The following ARFGEF3 variants were observed in gnomAD, a reference collection of about 807,000 sequenced individuals.
The protein encoded by ARFGEF3 is ARFGEF family member 3.
Under a neutral mutation model 221.7 loss-of-function variants are expected in ARFGEF3, and 96 were observed. The observed-to-expected ratio is 0.43, with a 90% confidence interval of 0.37 to 0.51. The LOEUF (loss-of-function observed/expected upper bound fraction) is 0.51, where lower values mean the gene tolerates loss of function less well. ARFGEF3 is among the 20% of genes least tolerant of loss of function. ARFGEF3 has a pLI of 0.00. For synonymous variants in ARFGEF3, 1,145 were observed against 1,126.8 expected, an observed-to-expected ratio of 1.02 and a Z score of -0.32; for missense variants, 2,410 against 2,789.9, an observed-to-expected ratio of 0.86 and a Z score of 3.07.
chr6:138,336,077 G>C (rs1252831642), intron 33 of ARFGEF3, among the ~76,000 whole-genome samples: 2 of 152,136 alleles, frequency 1.3e-5, no homozygotes, highest in Non-Finnish European at 2.9e-5. Context: ...CTGAAAATAA[G>C]GCGAGTCTCT....
intron 14 of ARFGEF3, among the ~76,000 whole-genome samples, chr6:138,283,404 C>G (rs544343840): frequency 5.3e-5 from 8 of 152,330 alleles, no homozygotes; most frequent in African/African-American, 1.9e-4. Context: ...ATTAATGGAA[C>G]AGTAAGCTCA....
chr6:138,230,892 C>G (rs1778179629), intron 5 of ARFGEF3, among the ~76,000 whole-genome samples: 1 of 152,160 alleles, frequency 6.6e-6, no homozygotes, highest in African/African-American at 2.4e-5. Flanking sequence ...CCTGTGAGCT[C>G]TTTCATTATC....
At chr6:138,295,795 T>C (rs1454693864) in intron 20 of ARFGEF3, among the ~76,000 whole-genome samples, 1 of 152,214 alleles carries the variant, frequency 6.6e-6, no homozygotes, top group Non-Finnish European at 1.5e-5. Context: ...AGCACTGGCA[T>C]GATGCCACAA....
intron 5 of ARFGEF3, among the ~76,000 whole-genome samples, chr6:138,234,352 C>A (rs1001585885): frequency 1.3e-5 from 2 of 152,174 alleles, no homozygotes; most frequent in African/African-American, 2.4e-5. Flanking sequence ...GTATGCCTGG[C>A]ACTTTTAGAA....
At position 138,339,280 on chromosome 6, in the gene ARFGEF3, G is replaced by A. The variant is rs530221314; in HGVS notation, c.*2794G>A. On this transcript the variant is annotated 3_prime_UTR_variant, in exon 34 of 34. Coordinates refer to ENST00000251691, the MANE Select transcript of ARFGEF3 (RefSeq NM_020340.5). Reference sequence around the variant, plus strand: ...GAGGGGAGTGGCACCTTCCCAGGCTGCCCAGCTCAGTCTCTTGCCCTGTTC... The same window carrying A: ...GAGGGGAGTGGCACCTTCCCAGGCTACCCAGCTCAGTCTCTTGCCCTGTTC... The A allele has an allele frequency of 1.3e-5, 2 of 152,230 alleles. No individual in the cohort carries two copies. Among genetic ancestry groups the A allele is most frequent in the African/African-American group, 4.8e-5 (2 of 41,432 alleles). 9.4% of individuals were successfully genotyped at this position (152,230 alleles called of 1,614,324 possible).
chr6:138,334,704 G>A lies in ARFGEF3; in HGVS notation c.5858G>A (p.Gly1953Glu), dbSNP rs1017049413. 3.1e-6 allele frequency: 5 copies of A among 1,610,312 alleles called. No homozygotes were observed. The highest frequency in any genetic ancestry group is 4.2e-6 in the Non-Finnish European group (5 of 1,177,234). ...TCCGAGTCATCCACCCCATCCACCG[G>A]GGGCTTCTCTGGGAAAGAAACCCCT... ...FQSESSTPST[G>E]GFSGKETPSE... Residue 1953 changes from glycine to glutamate, a missense_variant, in exon 33 of 34, where the codon GGG becomes GAG. Transcript: ENST00000251691. This position sits in a 1 kb window ranked among gnomAD's most constrained non-coding sequence, Gnocchi z 5.1.
At chr6:138,202,055 C>G (rs1777546666) in intron 2 of ARFGEF3, among the ~76,000 whole-genome samples, 1 of 152,172 alleles carries the variant, frequency 6.6e-6, no homozygotes, top group East Asian at 1.9e-4. Context: ...GCATATGCAG[C>G]ACTGCTAATT....
intron 24 of ARFGEF3, among the ~76,000 whole-genome samples, chr6:138,310,205 G>A (rs4896342): frequency 0.15 from 23,436 of 152,120 alleles, 1,992 homozygotes; most frequent in South Asian, 0.25. Flanking sequence ...ATACACAGCG[G>A]CCACAGTCTA....
intron 23 of ARFGEF3, 139 bp downstream of exon 23, chr6:138,307,536 C>A: frequency 1.2e-6 from 1 of 806,120 alleles, no homozygotes; most frequent in Non-Finnish European, 2.0e-6. Flanking sequence ...TGTGGTGTAG[C>A]AGGAACATGA....
chr6:138,181,114 C>T (rs963676464), intron 2 of ARFGEF3, among the ~76,000 whole-genome samples: 1 of 152,154 alleles, frequency 6.6e-6, no homozygotes, highest in Non-Finnish European at 1.5e-5. Flanking sequence ...GGAAGACCTA[C>T]AATTAGCTCT....
At position 138,291,913 on chromosome 6, in the gene ARFGEF3, C is replaced by T; in HGVS notation, c.3228C>T (p.Ala1076=). 1 of 1,489,640 alleles carries T rather than the reference C, an allele frequency of 6.7e-7. No individual in the cohort carries two copies. The highest frequency in any genetic ancestry group is 9.0e-7 in the Non-Finnish European group (1 of 1,115,700). The allele number at this position is 1,489,640 out of a possible 1,614,324, so 92.3% of individuals were successfully genotyped here. A position where few individuals can be genotyped will look rare whatever the true frequency, so the allele number is the denominator to read the frequency against. The change falls in exon 19 of 34, where the codon GCC becomes GCT. Residue 1076 remains alanine, a synonymous_variant. Transcript: ENST00000251691. This position sits in a 1 kb window ranked among gnomAD's most constrained non-coding sequence, Gnocchi z 4.5. ...AGCAGGGGCGCTCCCTGAGCACGGCCCCTGTCGTCCAGCCCCTGTCCATCC... is the reference window on the plus strand; with the variant it reads ...AGCAGGGGCGCTCCCTGAGCACGGCTCCTGTCGTCCAGCCCCTGTCCATCC... The part of the protein sequence containing the change: ...SPEQGRSLST[A]PVVQPLSIQD...
chr6:138,311,439 G>C lies in ARFGEF3; in HGVS notation c.4129G>C (p.Ala1377Pro). 6.2e-7 allele frequency: 1 copy of C among 1,608,680 alleles called. No homozygotes were observed. Among genetic ancestry groups the C allele is most frequent in the Non-Finnish European group, 8.5e-7 (1 of 1,177,900 alleles). The change falls in exon 25 of 34, where the codon GCC becomes CCC. Residue 1377 changes from alanine (A) to proline (P), a missense_variant. Around this residue, in one of 5 missense-constraint regions of ARFGEF3, gnomAD observed 723 missense variants for 991.9 expected, o/e 0.73. Coordinates refer to ENST00000251691, the MANE Select transcript of ARFGEF3 (RefSeq NM_020340.5). ...GGACTGTAAAGAGATTGGAGACTGT[G>C]CCCCAGCACCCGGAGCCCCGTCCAC... Reference protein sequence around the residue: ...EVDCKEIGDCAPAPGAPSTDL... With the variant: ...EVDCKEIGDCPPAPGAPSTDL...
chr6:138,249,574 C>T (rs1778543386), intron 8 of ARFGEF3, among the ~76,000 whole-genome samples: 1 of 152,130 alleles, frequency 6.6e-6, no homozygotes, highest in Non-Finnish European at 1.5e-5. Flanking sequence ...TCTGTAATCC[C>T]AGCACTTTGG....
chr6:138,279,020 C>CT (rs1047635391), intron 13 of ARFGEF3, among the ~76,000 whole-genome samples: 20 of 151,758 alleles, frequency 1.3e-4, no homozygotes, highest in East Asian at 5.8e-4. Context: ...TTGTGTTTTT[C>CT]TTTTTTTTGA....
chr6:138,336,772 T>C lies in ARFGEF3; in HGVS notation c.*286T>C. 1 of 223,602 alleles carries C rather than the reference T, an allele frequency of 4.5e-6. No individual in the cohort carries two copies. Among genetic ancestry groups the C allele is most frequent in the Non-Finnish European group, 8.7e-6 (1 of 115,474 alleles). 13.9% of individuals were successfully genotyped at this position (223,602 alleles called of 1,614,324 possible). A position where few individuals can be genotyped will look rare whatever the true frequency, so the allele number is the denominator to read the frequency against. ...ACTCTTGAAGTATATTTCCCAGTGC[T>C]TTTGCTTACAGTGTTGTCCCCAAAT... On this transcript the variant is annotated 3_prime_UTR_variant, in exon 34 of 34. Coordinates refer to ENST00000251691, the MANE Select transcript of ARFGEF3 (RefSeq NM_020340.5).
chr6:138,243,094 G>C (rs562157665), intron 7 of ARFGEF3, 100 bp downstream of exon 7: 2 of 950,854 alleles, frequency 2.1e-6, no homozygotes, highest in African/African-American at 3.2e-5. Context: ...AGGAGCTCTC[G>C]GTTGTTTTAC....
At chr6:138,216,619 T>A (rs1777867919) in intron 4 of ARFGEF3, 1 of 152,200 alleles carries the variant, frequency 6.6e-6, no homozygotes, top group Admixed American at 6.5e-5. Context: ...GAGTTCCTTT[T>A]GGAAAGAATG....
chr6:138,295,252 G>A (rs1779486100), intron 20 of ARFGEF3, among the ~76,000 whole-genome samples: 1 of 152,124 alleles, frequency 6.6e-6, no homozygotes, highest in Non-Finnish European at 1.5e-5. Flanking sequence ...CACAGCATCT[G>A]AGGCAAGTCA....
chr6:138,284,409 T>C (rs1207685169), intron 14 of ARFGEF3, among the ~76,000 whole-genome samples: 1 of 152,224 alleles, frequency 6.6e-6, no homozygotes, highest in African/African-American at 2.4e-5. Flanking sequence ...AGTATGTATA[T>C]TTCAACTCCA....
Sources: gnomAD v4.1 joint callset for allele counts (sites outside exome capture counted in the v4.1 genomes callset) on GRCh38, gnomAD v4.1.1 for gene constraint, gnomAD v4.1.1 regional missense constraint, Gnocchi (gnomAD v3.1) non-coding constraint, MANE v1.5 for transcripts, NCBI Gene and HGNC (gene_info 2026-07-23, HGNC 2026-07-21) for gene names.